IQCK: variants seen among roughly 807,000 people sequenced by gnomAD.
IQCK encodes IQ domain-containing protein K.
A neutral mutation model predicts 28.1 loss-of-function variants in IQCK; 29 were observed. That is an observed-to-expected ratio of 1.03 (90% CI 0.77 to 1.41). The LOEUF (loss-of-function observed/expected upper bound fraction) is 1.41. Ranked by LOEUF, IQCK falls within the 40% of genes most tolerant of loss-of-function variation. IQCK has a pLI of 0.00. For missense variants in IQCK, 359 were observed against 314.7 expected (o/e 1.14, Z -1.07); for synonymous variants, 113 against 115.1 (o/e 0.98, Z 0.12).
At chr16:19,829,921 C>T (rs1236897129), downstream of IQCK, among the ~76,000 whole-genome samples, 1 of 152,212 alleles carries the variant, frequency 6.6e-6, no homozygotes, top group Non-Finnish European at 1.5e-5. Flanking sequence ...GACACATTGA[C>T]ATCATGGTAC....
intron 4 of IQCK, among the ~76,000 whole-genome samples, chr16:19,759,209 AATTATT>A (rs771544885): frequency 6.6e-6 from 1 of 151,812 alleles, no homozygotes; most frequent in African/African-American, 2.4e-5. Flanking sequence ...TTTTAAAATT[AATTATT>A]ATTATTATTA....
intron 9 of IQCK, among the ~76,000 whole-genome samples, chr16:19,838,661 A>T (rs2056326599): frequency 1.3e-5 from 2 of 152,256 alleles, no homozygotes; most frequent in Admixed American, 6.5e-5. Context: ...TAGAGTGCCA[A>T]CTACACGCCA....
chr16:19,750,381 C>T (rs947315199), intron 4 of IQCK, among the ~76,000 whole-genome samples: 1 of 151,794 alleles, frequency 6.6e-6, no homozygotes, highest in Admixed American at 6.6e-5. Context: ...TCCACCTTGG[C>T]CTCCCAAAGT....
At chr16:19,726,161 G>A (rs936314959) in intron 1 of IQCK, among the ~76,000 whole-genome samples, 17 of 151,280 alleles carry the variant, frequency 1.1e-4, no homozygotes, top group African/African-American at 3.9e-4. Context: ...TGATCCGCCC[G>A]CCTCGGCCTC....
chr16:19,799,597 TACACAC>T (rs529119301), intron 7 of IQCK, among the ~76,000 whole-genome samples: 3,538 of 111,610 alleles, frequency 0.032, 176 homozygotes, highest in African/African-American at 0.051. Context: ...TATATATATA[TACACAC>T]ACACACACAC....
intron 9 of IQCK, 111 bp from the exon 9 acceptor site, chr16:19,856,376 T>A: frequency 1.3e-6 from 1 of 778,252 alleles, no homozygotes; most frequent in Non-Finnish European, 2.2e-6. Context: ...AGGCGCACAG[T>A]GGGTTTTGGT....
intron 1 of IQCK, among the ~76,000 whole-genome samples, chr16:19,722,259 G>A (rs554591199): frequency 7.2e-5 from 11 of 152,126 alleles, no homozygotes; most frequent in Non-Finnish European, 1.6e-4. Context: ...AGTGGGGAGG[G>A]AGTCTGCTAA....
intron 6 of IQCK, among the ~76,000 whole-genome samples, chr16:19,778,319 G>A (rs112041854): frequency 1.6e-4 from 24 of 152,190 alleles, no homozygotes; most frequent in African/African-American, 5.5e-4. Context: ...CTTATCCTGT[G>A]GGCTCCCTGT....
rs60324850 is a variant in IQCK at position 19,735,226 on chromosome 16, A to T, written c.377-127A>T. 852 of 675,140 alleles carry T rather than the reference A, an allele frequency of 1.3e-3. 6 individuals carry two copies. In the African/African-American group the frequency reaches 0.013, roughly 10 times the overall value. 41.8% of individuals were successfully genotyped at this position (675,140 alleles called of 1,614,324 possible). ...AGCCCAGCTCTGTAGTCTGGAGCAA[A>T]ATATAACATCTAAGATCATGTGATT... On this transcript the variant is annotated intron_variant, in intron 3 of 7. Coordinates refer to ENST00000564186, the Ensembl canonical transcript of IQCK.
At chr16:19,844,589 C>CTTTG (rs2056395037) in intron 9 of IQCK, among the ~76,000 whole-genome samples, 1 of 152,100 alleles carries the variant, frequency 6.6e-6, no homozygotes, top group Non-Finnish European at 1.5e-5. Flanking sequence ...AAAAATGTAG[C>CTTTG]TTTGTTTGTA....
At chr16:19,735,307 G>T in intron 3 of IQCK, 46 bp from the exon 4 acceptor site, 2 of 1,297,464 alleles carry the variant, frequency 1.5e-6, no homozygotes, top group Middle Eastern at 1.8e-4. Flanking sequence ...AGATTGGCTC[G>T]GGCCACTGGG....
intron 7 of IQCK, among the ~76,000 whole-genome samples, chr16:19,806,151 A>AGCACAT (rs1325710798): frequency 6.6e-5 from 10 of 152,174 alleles, no homozygotes; most frequent in Non-Finnish European, 1.3e-4. Context: ...CAGAAGGAAA[A>AGCACAT]GCACATGCAA....
At chr16:19,841,330 ACG>A in intron 9 of IQCK, among the ~76,000 whole-genome samples, 1 of 152,210 alleles carries the variant, frequency 6.6e-6, no homozygotes, top group South Asian at 2.1e-4. Context: ...TACTGTTGCC[ACG>A]TGCATTGGAA....
intron 9 of IQCK, among the ~76,000 whole-genome samples, chr16:19,839,405 C>T (rs973825471): frequency 3.9e-5 from 6 of 152,058 alleles, no homozygotes; most frequent in Non-Finnish European, 7.4e-5. Context: ...AAGTGATCCA[C>T]CCTCCTCGGC....
intron 7 of IQCK, among the ~76,000 whole-genome samples, chr16:19,813,220 T>C (rs1356213537): frequency 1.3e-5 from 2 of 152,088 alleles, no homozygotes; most frequent in Admixed American, 6.6e-5. Context: ...AAGGACAGAA[T>C]GAGAAGGTCC....
At chr16:19,827,381 C>G (rs2056163361), downstream of IQCK, among the ~76,000 whole-genome samples, 1 of 152,156 alleles carries the variant, frequency 6.6e-6, no homozygotes, top group Non-Finnish European at 1.5e-5. Context: ...TCTGCAGTTT[C>G]TATTTTTGAA....
chr16:19,775,864 G>A (rs1205828121), intron 6 of IQCK, among the ~76,000 whole-genome samples: 1 of 107,016 alleles, frequency 9.3e-6, no homozygotes, highest in African/African-American at 3.3e-5. Flanking sequence ...TCTGGGCACA[G>A]GCTTTTTTTT....
chr16:19,840,833 A>C (rs768836865), intron 9 of IQCK, among the ~76,000 whole-genome samples: 8 of 152,262 alleles, frequency 5.3e-5, no homozygotes, highest in Non-Finnish European at 1.2e-4. Flanking sequence ...CAAACACTCA[A>C]GAGAAATCTG....
At chr16:19,742,245 C>G (rs926507709) in intron 4 of IQCK, among the ~76,000 whole-genome samples, 3 of 152,124 alleles carry the variant, frequency 2.0e-5, no homozygotes, top group Admixed American at 6.5e-5. Context: ...CACGCTTTGC[C>G]AGGAAGTTCA....
Sources: gnomAD v4.1 joint callset for allele counts (sites outside exome capture counted in the v4.1 genomes callset) on GRCh38, gnomAD v4.1.1 for gene constraint, MANE v1.5 for transcripts, NCBI Gene and HGNC (gene_info 2026-07-23, HGNC 2026-07-21) for gene names.